Variants in ZNF609 observed in about 807,000 individuals in gnomAD.
ZNF609 encodes zinc finger protein 609.
In ZNF609, 11 loss-of-function variants were observed where a neutral mutation model predicts 109.5. The ratio of observed to expected loss-of-function variants is 0.10; its 90% CI spans 0.06 to 0.17. The LOEUF (loss-of-function observed/expected upper bound fraction) is 0.17, where lower values mean the gene tolerates loss of function less well. ZNF609 is among the 10% of genes least tolerant of loss of function. ZNF609 has a pLI of 1.00. For missense variants in ZNF609, 1,559 were observed against 1,772.4 expected, an observed-to-expected ratio of 0.88 and a Z score of 2.16; for synonymous variants, 646 against 662.0, an observed-to-expected ratio of 0.98 and a Z score of 0.37.
At chr15:64,598,768 A>G (rs1284775753) in intron 2 of ZNF609, among the ~76,000 whole-genome samples, 11 of 127,188 alleles carry the variant, frequency 8.6e-5, no homozygotes, top group South Asian at 2.7e-4. Context: ...ATATATATAT[A>G]TATATATATA....
intron 2 of ZNF609, among the ~76,000 whole-genome samples, chr15:64,592,496 T>G (rs1895316538): frequency 6.6e-6 from 1 of 152,182 alleles, no homozygotes; most frequent in Non-Finnish European, 1.5e-5. Context: ...GAGAATTGCT[T>G]CAACCCAGAA....
intron 2 of ZNF609, among the ~76,000 whole-genome samples, chr15:64,604,826 CATTT>C (rs1057240710): frequency 2.6e-5 from 4 of 151,780 alleles, no homozygotes; most frequent in Non-Finnish European, 2.9e-5. Context: ...GTTATTTATT[CATTT>C]ATTTATTTAT....
chr15:64,559,422 TG>T (rs906692961), intron 2 of ZNF609, among the ~76,000 whole-genome samples: 81 of 152,324 alleles, frequency 5.3e-4, no homozygotes, highest in Non-Finnish European at 9.1e-4. Flanking sequence ...GCTGAGCCCC[TG>T]GGGTGTGTAG....
At chr15:64,516,440 C>T (rs1209297011) in intron 2 of ZNF609, among the ~76,000 whole-genome samples, 1 of 152,096 alleles carries the variant, frequency 6.6e-6, no homozygotes, top group South Asian at 2.1e-4. Flanking sequence ...GGCACGATCT[C>T]GTCTCACTGC....
chr15:64,675,214 G>A lies in ZNF609; in HGVS notation c.2360G>A (p.Ser787Asn), dbSNP rs774462057. The A allele has an allele frequency of 1.2e-6, 2 of 1,613,932 alleles. No individual in the cohort carries two copies. The highest frequency in any genetic ancestry group is 2.2e-5 in the South Asian group (2 of 91,092). The change falls in exon 5 of 10, where the codon AGC becomes AAC. Residue 787 changes from serine to asparagine, a missense_variant. Coordinates refer to ENST00000326648, the MANE Select transcript of ZNF609 (RefSeq NM_015042.2). Reference protein sequence around the residue: ...SSDPHQSRLASIKAEADKIYS... With the variant: ...SSDPHQSRLANIKAEADKIYS... Reference sequence around the variant, plus strand: ...GACCCCCACCAAAGCCGACTGGCTAGCATCAAGGCTGAAGCCGACAAGATC... The same window carrying A: ...GACCCCCACCAAAGCCGACTGGCTAACATCAAGGCTGAAGCCGACAAGATC...
chr15:64,678,054 G>A (rs1413973209), intron 5 of ZNF609, 62 bp from the exon 6 acceptor site: 1 of 1,552,096 alleles, frequency 6.4e-7, no homozygotes, highest in Non-Finnish European at 8.7e-7. Context: ...CTGGGACCTT[G>A]GGCTTGAAGT....
intron 1 of ZNF609, among the ~76,000 whole-genome samples, chr15:64,477,136 C>CTTTTTTT (rs911785223): frequency 4.3e-4 from 46 of 105,756 alleles, no homozygotes; most frequent in Non-Finnish European, 6.2e-4. Flanking sequence ...TCTTCTCTTT[C>CTTTTTTT]TTTTTTTTTT....
chr15:64,668,302 ATTAT>A (rs1006931173), intron 3 of ZNF609, among the ~76,000 whole-genome samples: 1 of 152,230 alleles, frequency 6.6e-6, no homozygotes, highest in African/African-American at 2.4e-5. Context: ...AACTCTGGAA[ATTAT>A]TTATAAAACA....
chr15:64,577,505 A>G (rs1895013075), intron 2 of ZNF609, among the ~76,000 whole-genome samples: 1 of 59,186 alleles, frequency 1.7e-5, no homozygotes. Flanking sequence ...ATATACATAT[A>G]TATGTATATA....
chr15:64,483,469 A>G (rs891234509), intron 1 of ZNF609, among the ~76,000 whole-genome samples: 1 of 151,870 alleles, frequency 6.6e-6, no homozygotes, highest in African/African-American at 2.4e-5. Context: ...TCACTGCTTC[A>G]TCGACCTCCT....
chr15:64,489,259 C>G (rs1311250463), intron 1 of ZNF609, among the ~76,000 whole-genome samples: 7 of 150,640 alleles, frequency 4.6e-5, no homozygotes, highest in Non-Finnish European at 8.9e-5. Flanking sequence ...GATCTTGGCT[C>G]ACTGCAACCT....
chr15:64,644,981 T>TTC (rs67157103), intron 3 of ZNF609, among the ~76,000 whole-genome samples: 7,678 of 138,622 alleles, frequency 0.055, 283 homozygotes, highest in African/African-American at 0.11. Context: ...CTTTCTTTCT[T>TTC]TTTCTTTCTT....
intron 2 of ZNF609, among the ~76,000 whole-genome samples, chr15:64,574,743 C>T (rs1461146139): frequency 1.3e-5 from 2 of 152,148 alleles, no homozygotes; most frequent in Non-Finnish European, 2.9e-5. Flanking sequence ...TCCCTCCTCT[C>T]TATTTCATTA....
rs1156409634 is a variant in ZNF609 at position 64,674,150 on chromosome 15, C to T, written c.1296C>T (p.Ala432=). 6.2e-7 allele frequency: 1 copy of T among 1,614,050 alleles called. No homozygotes were observed. Among genetic ancestry groups the T allele is most frequent in the African/African-American group, 1.3e-5 (1 of 74,920 alleles). ...GCAGCACTTCTGAGGATGTCAAGGC[C>T]AGCCCTTCCTCAGCTAATAAGCGGA... ...PASSTSEDVK[A]SPSSANKRKN... is the part of the protein sequence containing the mutation. Residue 432 remains alanine, a synonymous_variant, in exon 5 of 10, where the codon GCC becomes GCT. Coordinates refer to ENST00000326648, the MANE Select transcript of ZNF609 (RefSeq NM_015042.2).
At chr15:64,651,824 C>T (rs1008144735) in intron 3 of ZNF609, among the ~76,000 whole-genome samples, 4 of 152,154 alleles carry the variant, frequency 2.6e-5, no homozygotes, top group South Asian at 4.1e-4. Context: ...TCTCCAGACC[C>T]GAACACTGTA....
intron 1 of ZNF609, among the ~76,000 whole-genome samples, chr15:64,464,823 A>G (rs1033076120): frequency 6.6e-6 from 1 of 152,218 alleles, no homozygotes; most frequent in Middle Eastern, 3.2e-3. Flanking sequence ...GCAGCTGTGT[A>G]GCTGAAGAGG....
chr15:64,670,395 A>C lies in ZNF609; in HGVS notation c.1023A>C (p.Thr341=), dbSNP rs376423543. 6.2e-7 allele frequency: 1 copy of C among 1,614,076 alleles called. No individual in the cohort carries two copies. Among genetic ancestry groups the C allele is most frequent in the South Asian group, 1.1e-5 (1 of 91,082 alleles). Residue 341 remains threonine (T), a synonymous_variant, in exon 4 of 10, where the codon ACA becomes ACC. Coordinates refer to ENST00000326648, the MANE Select transcript of ZNF609 (RefSeq NM_015042.2). ...GGAGGAACAAGACATATGTAGGTAC[A>C]CTCCTTGACTGCACACGACATGATT... ...VTWRNKTYVG[T]LLDCTRHDWA... is the part of the protein sequence containing the mutation.
chr15:64,516,539 G>A (rs1595705045), intron 2 of ZNF609, among the ~76,000 whole-genome samples: 1 of 151,852 alleles, frequency 6.6e-6, no homozygotes, highest in African/African-American at 2.4e-5. Context: ...ACCCACACCC[G>A]GCTAATTTTT....
intron 1 of ZNF609, among the ~76,000 whole-genome samples, chr15:64,488,458 C>A (rs933975672): frequency 6.6e-6 from 1 of 152,172 alleles, no homozygotes; most frequent in African/African-American, 2.4e-5. Context: ...AGGGTGGGTG[C>A]TTGCAGTGTA....
Sources: allele counts gnomAD v4.1 joint callset (sites outside exome capture counted in the v4.1 genomes callset), GRCh38; gene constraint gnomAD v4.1.1; transcripts MANE v1.5; gene names NCBI Gene and HGNC (gene_info 2026-07-23, HGNC 2026-07-21).